Variants in CDH20 observed in about 807,000 individuals in gnomAD.
CDH20 encodes cadherin-20.
In CDH20, 29 loss-of-function variants were observed where a neutral mutation model predicts 74.2. The observed-to-expected ratio is 0.39, with a 90% CI of 0.29 to 0.53. CDH20 has a LOEUF of 0.53. Among genes scored for constraint, CDH20 ranks in the 20% least tolerant of loss-of-function variants. The probability of loss-of-function intolerance (pLI) is 0.69; values close to 1 mark genes in which losing one functional copy is unlikely to be tolerated. For missense variants in CDH20, 988 were observed against 1,048.3 expected (o/e 0.94, Z 0.79); for synonymous variants, 469 against 405.4 (o/e 1.16, Z -1.88).
At chr18:61,449,964 T>G (rs1408385666) in intron 1 of CDH20, among the ~76,000 whole-genome samples, 1 of 152,064 alleles carries the variant, frequency 6.6e-6, no homozygotes, top group Non-Finnish European at 1.5e-5. Flanking sequence ...TTCTATTACT[T>G]TCAGTGTAGA....
At chr18:61,506,655 G>C (rs1911573113) in intron 5 of CDH20, among the ~76,000 whole-genome samples, 1 of 152,200 alleles carries the variant, frequency 6.6e-6, no homozygotes, top group Admixed American at 6.5e-5. Context: ...AAATTTAATT[G>C]TGAGCTCAGG....
At chr18:61,552,337 A>T (rs1913465204) in intron 11 of CDH20, among the ~76,000 whole-genome samples, 1 of 151,744 alleles carries the variant, frequency 6.6e-6, no homozygotes, top group Non-Finnish European at 1.5e-5. Context: ...TCAAAATCTG[A>T]TTTTCAGGGC....
At chr18:61,448,113 C>T (rs181133629) in intron 1 of CDH20, among the ~76,000 whole-genome samples, 1 of 152,302 alleles carries the variant, frequency 6.6e-6, no homozygotes, top group Admixed American at 6.5e-5. Flanking sequence ...TTGCAGGGCA[C>T]TGAATCAGAT....
At chr18:61,421,765 T>A (rs938796219) in intron 1 of CDH20, among the ~76,000 whole-genome samples, 7 of 152,180 alleles carry the variant, frequency 4.6e-5, no homozygotes, top group Admixed American at 3.9e-4. Flanking sequence ...ATACCTAATA[T>A]GTATCAATAA....
chr18:61,378,424 A>T (rs1911319576), intron 1 of CDH20, among the ~76,000 whole-genome samples: 1 of 152,142 alleles, frequency 6.6e-6, no homozygotes, highest in Non-Finnish European at 1.5e-5. Context: ...GAATGAGCAA[A>T]CTTCCCCCTT....
In CDH20 at chr18:61,550,033, T is replaced by G; in HGVS notation, c.1704T>G (p.Ser568Arg). 1 of 1,613,976 alleles carries G rather than the reference T, an allele frequency of 6.2e-7. No homozygotes were observed. Among genetic ancestry groups the G allele is most frequent in the East Asian group, 2.2e-5 (1 of 44,858 alleles). ...RRSGFRQQEQ[S>R]VFHLPILIAD... ...CTGGTTTCCGGCAGCAGGAGCAGAG[T>G]GTCTTTCACCTGCCTATCCTGATAG... The change falls in exon 11 of 12, where the codon AGT becomes AGG. Residue 568 changes from serine (S) to arginine (R), a missense_variant. Physicochemically the swap from Ser to Arg is moderately radical, Grantham distance 110. Transcript: ENST00000262717.
chr18:61,435,676 A>G (rs1264252794), intron 1 of CDH20, among the ~76,000 whole-genome samples: 1 of 150,994 alleles, frequency 6.6e-6, no homozygotes, highest in Non-Finnish European at 1.5e-5. Flanking sequence ...TTTTAAAAAT[A>G]TATATATAAC....
At chr18:61,373,080 T>A (rs1218446823) in intron 1 of CDH20, among the ~76,000 whole-genome samples, 1 of 152,070 alleles carries the variant, frequency 6.6e-6, no homozygotes, top group African/African-American at 2.4e-5. Context: ...TCCTTGCTAG[T>A]AATGCTGGCC....
At chr18:61,365,113 A>T (rs948058940) in intron 1 of CDH20, among the ~76,000 whole-genome samples, 1 of 152,198 alleles carries the variant, frequency 6.6e-6, no homozygotes, top group Non-Finnish European at 1.5e-5. Context: ...GATCTTACAT[A>T]CACTGTCTAG....
In CDH20 at chr18:61,500,736, G is replaced by A. The variant is rs979902894; in HGVS notation, c.661+234G>A. On this transcript the variant is annotated intron_variant, in intron 4 of 11. Transcript: ENST00000262717. ...TTGGAGAGGCAAAAAGCCCCTCTGC[G>A]CAAACACACACAAAATAACTCCCCA... Among the ~76,000 whole-genome samples, 10 of 133,196 alleles carry A rather than the reference G, an allele frequency of 7.5e-5. 1 individual carries two copies. Among genetic ancestry groups the A allele is most frequent in the Admixed American group, 1.4e-4 (2 of 14,000 alleles). 87.4% of individuals were successfully genotyped at this position (133,196 alleles called of 152,430 possible).
chr18:61,411,450 C>T (rs1465790978), intron 1 of CDH20, among the ~76,000 whole-genome samples: 3 of 152,032 alleles, frequency 2.0e-5, no homozygotes, highest in African/African-American at 4.8e-5. Flanking sequence ...AAGATACTTG[C>T]GCATGCATAT....
intron 1 of CDH20, among the ~76,000 whole-genome samples, chr18:61,465,873 C>G (rs1275432733): frequency 6.6e-6 from 1 of 151,554 alleles, no homozygotes; most frequent in Non-Finnish European, 1.5e-5. Context: ...ACCTGGGCAA[C>G]CTGGAGGAAC....
intron 1 of CDH20, among the ~76,000 whole-genome samples, chr18:61,477,389 T>C (rs972233337): frequency 4.6e-5 from 7 of 152,340 alleles, no homozygotes; most frequent in South Asian, 2.1e-4. Context: ...CTTGACTTAC[T>C]GTACTAGTTT....
chr18:61,548,252 T>C (rs1913319972), intron 10 of CDH20, among the ~76,000 whole-genome samples: 1 of 152,180 alleles, frequency 6.6e-6, no homozygotes, highest in Non-Finnish European at 1.5e-5. Context: ...TGAATTTTTT[T>C]TGACAGTTAA....
At chr18:61,450,900 G>T (rs1436742827) in intron 1 of CDH20, among the ~76,000 whole-genome samples, 2 of 151,498 alleles carry the variant, frequency 1.3e-5, no homozygotes, top group African/African-American at 4.8e-5. Flanking sequence ...ACATTTTTTT[G>T]ACTTTTTTGT....
rs772826710 is a variant in CDH20 at position 61,554,665 on chromosome 18, G to A, written c.2376G>A (p.Gly792=). The part of the protein sequence containing the change: ...PRFRKLAELY[G]ASEGPAPLW Reference sequence around the variant, plus strand: ...TCCGGAAGCTGGCCGAGCTCTACGGGGCGTCGGAGGGACCCGCGCCGCTGT... The same window carrying A: ...TCCGGAAGCTGGCCGAGCTCTACGGAGCGTCGGAGGGACCCGCGCCGCTGT... Residue 792 remains glycine, a synonymous_variant, in exon 12 of 12, where the codon GGG becomes GGA. Transcript: ENST00000262717. 21 of 1,586,474 alleles carry A rather than the reference G, an allele frequency of 1.3e-5. No individual in the cohort carries two copies. Among genetic ancestry groups the A allele is most frequent in the Non-Finnish European group, 1.8e-5 (21 of 1,166,286 alleles).
chr18:61,498,649 G>A (rs1421141242), intron 2 of CDH20, among the ~76,000 whole-genome samples: 2 of 152,158 alleles, frequency 1.3e-5, no homozygotes, highest in African/African-American at 4.8e-5. Context: ...ATCACAGAAT[G>A]GGAGGAAGAA....
intron 1 of CDH20, among the ~76,000 whole-genome samples, chr18:61,453,310 C>CTCTG (rs1303504158): frequency 6.6e-6 from 1 of 152,172 alleles, no homozygotes; most frequent in African/African-American, 2.4e-5. Context: ...CGGAGTCCTG[C>CTCTG]TCTGTCACCC....
chr18:61,345,500 A>G (rs949573161), intron 1 of CDH20, among the ~76,000 whole-genome samples: 4 of 152,196 alleles, frequency 2.6e-5, no homozygotes, highest in African/African-American at 4.8e-5. Context: ...GTACATGTCT[A>G]AAATAACTGC....
Sources: gnomAD v4.1 joint callset for allele counts (sites outside exome capture counted in the v4.1 genomes callset) on GRCh38, gnomAD v4.1.1 for gene constraint, MANE v1.5 for transcripts, NCBI Gene and HGNC (gene_info 2026-07-23, HGNC 2026-07-21) for gene names.